ADAM10: variants seen among roughly 807,000 people sequenced by gnomAD.
The protein encoded by ADAM10 is ADAM metallopeptidase domain 10.
In ADAM10, 17 loss-of-function variants were observed where a neutral mutation model predicts 90.1. The ratio of observed to expected loss-of-function variants is 0.19; its 90% confidence interval spans 0.13 to 0.28. The LOEUF (loss-of-function observed/expected upper bound fraction) is 0.28. Ranked by LOEUF, ADAM10 falls within the 10% of genes least tolerant of loss-of-function variation. The probability of loss-of-function intolerance (pLI) is 1.00; values close to 1 mark genes in which losing one functional copy is unlikely to be tolerated. For missense variants in ADAM10, 610 were observed against 914.3 expected (o/e 0.67, Z 4.29); for synonymous variants, 310 against 298.6 (o/e 1.04, Z -0.40).
intron 4 of ADAM10, among the ~76,000 whole-genome samples, chr15:58,666,671 C>T (rs1486985698): frequency 6.7e-6 from 1 of 149,342 alleles, no homozygotes; most frequent in Non-Finnish European, 1.5e-5. Flanking sequence ...TATAGGGGAA[C>T]AAAAAAAAAC....
chr15:58,638,091 C>G (rs150803015), intron 8 of ADAM10, among the ~76,000 whole-genome samples: 3 of 152,274 alleles, frequency 2.0e-5, no homozygotes, highest in African/African-American at 7.2e-5. Context: ...CCACTATGGC[C>G]TCTATTCTTC....
At chr15:58,611,240 G>T in intron 12 of ADAM10, 133 bp from the exon 13 acceptor site, 1 of 710,942 alleles carries the variant, frequency 1.4e-6, no homozygotes. Flanking sequence ...AACAAACAGA[G>T]ATGAGTATCA....
At chr15:58,628,653 C>T (rs1332841121) in intron 9 of ADAM10, among the ~76,000 whole-genome samples, 1 of 152,178 alleles carries the variant, frequency 6.6e-6, no homozygotes, top group African/African-American at 2.4e-5. Context: ...GCAGCCCCTA[C>T]CATCCTGGGG....
At chr15:58,738,600 C>G (rs575542240) in intron 1 of ADAM10, among the ~76,000 whole-genome samples, 1 of 152,266 alleles carries the variant, frequency 6.6e-6, no homozygotes, top group South Asian at 2.1e-4. Flanking sequence ...ATCAGCTAGT[C>G]TCTAAGAAGT....
chr15:58,718,467 T>A (rs1414386734), intron 1 of ADAM10, among the ~76,000 whole-genome samples: 1 of 38,084 alleles, frequency 2.6e-5, no homozygotes, highest in African/African-American at 8.5e-5. Flanking sequence ...GTTTTGGTAT[T>A]GGGGTAAAAA....
At chr15:58,689,911 T>C (rs1303155121) in intron 2 of ADAM10, among the ~76,000 whole-genome samples, 3 of 148,264 alleles carry the variant, frequency 2.0e-5, no homozygotes, top group African/African-American at 7.5e-5. Flanking sequence ...ACTCATTTTA[T>C]GTGGCTCACT....
intron 3 of ADAM10, 106 bp from the exon 4 acceptor site, chr15:58,679,388 A>G: frequency 4.6e-6 from 4 of 878,824 alleles, no homozygotes; most frequent in Non-Finnish European, 7.3e-6. Context: ...ACATGCATAC[A>G]TATATACACA....
At chr15:58,633,487 T>C in intron 8 of ADAM10, 128 bp from the exon 9 acceptor site, 4 of 795,762 alleles carry the variant, frequency 5.0e-6, no homozygotes, top group Non-Finnish European at 7.9e-6. Flanking sequence ...CTCAAACGTA[T>C]CACATATGCA....
chr15:58,619,811 A>C (rs554103522), intron 11 of ADAM10, among the ~76,000 whole-genome samples: 1 of 151,640 alleles, frequency 6.6e-6, no homozygotes, highest in South Asian at 2.1e-4. Context: ...GGCTGAGGCA[A>C]GAGAATGGCG....
At chr15:58,610,200 A>AT (rs2076711610) in intron 14 of ADAM10, 97 bp downstream of exon 14, 1 of 933,422 alleles carries the variant, frequency 1.1e-6, no homozygotes, top group African/African-American at 1.6e-5. Flanking sequence ...TAATATAAAT[A>AT]GTTAAGTTGT....
In ADAM10 at chr15:58,625,695, A is replaced by G. The variant is rs1481912742; in HGVS notation, c.1360+2005T>C. Among the ~76,000 whole-genome samples the G allele has an allele frequency of 2.0e-5, 3 of 152,172 alleles. 1 individual carries two copies. Among genetic ancestry groups the G allele is most frequent in the South Asian group, 4.1e-4 (2 of 4,830 alleles). ...AAAAACTTATATGTTTATACAAAAA[A>G]CCTGTACATGAATGTTTACAGCTGC... On this transcript the variant is annotated intron_variant, in intron 10 of 15. Coordinates refer to ENST00000260408, the MANE Select transcript of ADAM10 (RefSeq NM_001110.4).
At position 58,699,982 on chromosome 15, in the gene ADAM10, C is replaced by A. The variant is rs536489280; in HGVS notation, c.206+17595G>T. On this transcript the variant is annotated intron_variant, in intron 2 of 15. Transcript: ENST00000260408. ...AACTCATCTTACCTGTAAAGACACA[C>A]ACAGACTGAAAGTAAAGAGATGGAA... Among the ~76,000 whole-genome samples, 7 of 152,142 alleles carry A rather than the reference C, an allele frequency of 4.6e-5. No individual in the cohort carries two copies. In the South Asian group the frequency reaches 1.0e-3, roughly 23 times the overall value.
At chr15:58,624,995 A>C (rs1875287545) in intron 10 of ADAM10, among the ~76,000 whole-genome samples, 1 of 152,220 alleles carries the variant, frequency 6.6e-6, no homozygotes, top group Non-Finnish European at 1.5e-5. Flanking sequence ...CAAATGAAGA[A>C]TCTTAATGTA....
intron 1 of ADAM10, among the ~76,000 whole-genome samples, chr15:58,749,243 G>A (rs1035914236): frequency 1.3e-5 from 2 of 152,194 alleles, no homozygotes; most frequent in Admixed American, 1.3e-4. Context: ...CGCCAGGGCG[G>A]TGGGGGGCGG....
chr15:58,727,176 CTTTTTTTTTTTTTTTTT>C (rs779017607), intron 1 of ADAM10, among the ~76,000 whole-genome samples: 1 of 78,008 alleles, frequency 1.3e-5, no homozygotes, highest in Non-Finnish European at 2.4e-5. Context: ...CCTGACTAAT[CTTTTTTTTTTTTTTTTT>C]TTTTTTTTTT....
chr15:58,662,421 C>G (rs1424987250), intron 5 of ADAM10, among the ~76,000 whole-genome samples: 2 of 152,198 alleles, frequency 1.3e-5, no homozygotes, highest in African/African-American at 4.8e-5. Context: ...CAGCCTCAAC[C>G]ACCTGGGCTC....
intron 2 of ADAM10, among the ~76,000 whole-genome samples, chr15:58,710,171 C>T (rs538620270): frequency 5.9e-5 from 9 of 152,040 alleles, no homozygotes; most frequent in Middle Eastern, 3.4e-3. Context: ...CCCAGCTACT[C>T]GGGAGGCTGA....
At chr15:58,638,786 T>C (rs1226559602) in intron 8 of ADAM10, among the ~76,000 whole-genome samples, 1 of 151,936 alleles carries the variant, frequency 6.6e-6, no homozygotes, top group Non-Finnish European at 1.5e-5. Context: ...AGTTTAATCA[T>C]AAGGAAAACA....
At chr15:58,748,900 G>A in intron 1 of ADAM10, 2 of 399,070 alleles carry the variant, frequency 5.0e-6, no homozygotes, top group Non-Finnish European at 8.8e-6. Context: ...CCCCTCTGCA[G>A]AATGGGGTCG....
Sources: allele counts gnomAD v4.1 joint callset (sites outside exome capture counted in the v4.1 genomes callset), GRCh38; gene constraint gnomAD v4.1.1; transcripts MANE v1.5; gene names NCBI Gene and HGNC (gene_info 2026-07-23, HGNC 2026-07-21).